Variants in C18orf32 observed in about 807,000 individuals in gnomAD.
C18orf32 encodes UPF0729 protein C18orf32.
In C18orf32, 5 loss-of-function variants were observed where a neutral mutation model predicts 7.4. That is an observed-to-expected ratio of 0.68 (90% CI 0.35 to 1.42). The LOEUF (loss-of-function observed/expected upper bound fraction) is 1.42, where lower values mean the gene tolerates loss of function less well. Ranked by LOEUF, C18orf32 falls within the 40% of genes most tolerant of loss-of-function variation. C18orf32 has a pLI of 0.04. For synonymous variants in C18orf32, 30 were observed against 29.3 expected, an observed-to-expected ratio of 1.02 and a Z score of -0.08; for missense variants, 88 against 92.4, an observed-to-expected ratio of 0.95 and a Z score of 0.19.
Position 49,482,029 on chromosome 18 carries a change from C to G in C18orf32, c.*316G>C, listed in dbSNP as rs1380056313. 1 of 244,746 alleles carries G rather than the reference C, an allele frequency of 4.1e-6. No homozygotes were observed. Among genetic ancestry groups the G allele is most frequent in the African/African-American group, 2.3e-5 (1 of 42,890 alleles). 15.2% of individuals were successfully genotyped at this position (244,746 alleles called of 1,614,324 possible). ...AGCAAATTCATATGAATTAGAGAAC[C>G]AAAGATTTTAAAGTGCTGATTTAGT... On this transcript the variant is annotated 3_prime_UTR_variant, in exon 3 of 3. Coordinates refer to ENST00000318240, the MANE Select transcript of C18orf32 (RefSeq NM_001035005.4).
chr18:49,484,691 A>T (rs2083715365), intron 1 of C18orf32: 1 of 152,238 alleles, frequency 6.6e-6, no homozygotes, highest in African/African-American at 2.4e-5. Context: ...TAAAGGAAAA[A>T]CAACAACATT....
At position 49,485,644 on chromosome 18, in the gene C18orf32, T is replaced by C. The variant is rs532008049; in HGVS notation, c.-24+1399A>G. ...TTTTTTGAGACAGGGTCTTGCTCTG[T>C]TGCTCAGGCTAAAGTGCAGTGGCTC... On this transcript the variant is annotated intron_variant, in intron 1 of 2. Coordinates refer to ENST00000318240, the MANE Select transcript of C18orf32 (RefSeq NM_001035005.4). Among the ~76,000 whole-genome samples the C allele has an allele frequency of 2.7e-3, 413 of 152,072 alleles. 2 individuals are homozygous for C. Among genetic ancestry groups the C allele is most frequent in the Non-Finnish European group, 5.3e-3 (362 of 67,944 alleles).
chr18:49,482,818 G>C (rs1450696335), intron 2 of C18orf32, among the ~76,000 whole-genome samples: 1 of 124,932 alleles, frequency 8.0e-6, no homozygotes, highest in African/African-American at 3.2e-5. Context: ...TTTTTTTTGA[G>C]ATGGAGTTTC....
rs1313901017 is a variant in C18orf32 at position 49,481,457 on chromosome 18, G to GT, written c.*887dup. The GT allele has an allele frequency of 6.6e-6, 1 of 152,280 alleles. No homozygotes were observed. The highest frequency in any genetic ancestry group is 1.5e-5 in the Non-Finnish European group (1 of 68,128). 9.4% of individuals were successfully genotyped at this position (152,280 alleles called of 1,614,324 possible). ...GACCCAGGCCCAGCCAGCCATATGA[G>GT]TGAGCCCAGAACAGCAAAGAACTGC... On this transcript the variant is annotated 3_prime_UTR_variant, in exon 3 of 3. Coordinates refer to ENST00000318240, the MANE Select transcript of C18orf32 (RefSeq NM_001035005.4).
intron 2 of C18orf32, 45 bp from the exon 3 acceptor site, chr18:49,482,455 G>T: frequency 1.4e-6 from 2 of 1,442,108 alleles, no homozygotes; most frequent in Non-Finnish European, 9.7e-7. Flanking sequence ...CAAGCCGGGT[G>T]CGGTGGCTTA....
chr18:49,478,203 T>A lies in C18orf32; in HGVS notation c.*4142A>T, dbSNP rs2083634355. ...AGGTGCACATCACCATATGCCTAGC[T>A]AAATTTTTTAATTTTTGGTGGAGGC... On this transcript the variant is annotated 3_prime_UTR_variant, in exon 3 of 3. Coordinates refer to ENST00000318240, the MANE Select transcript of C18orf32 (RefSeq NM_001035005.4). 1 of 149,494 alleles carries A rather than the reference T, an allele frequency of 6.7e-6. No homozygotes were observed. The highest frequency in any genetic ancestry group is 1.5e-5 in the Non-Finnish European group (1 of 67,996). The allele number at this position is 149,494 out of a possible 1,614,324, so 9.3% of individuals were successfully genotyped here.
intron 1 of C18orf32, among the ~76,000 whole-genome samples, chr18:49,485,631 G>C (rs1012786232): frequency 5.4e-5 from 8 of 148,732 alleles, no homozygotes; most frequent in African/African-American, 2.0e-4. Context: ...TTTTGAGACA[G>C]GGTCTTGCTC....
At chr18:49,482,799 TC>T (rs1291591695) in intron 2 of C18orf32, among the ~76,000 whole-genome samples, 3 of 107,720 alleles carry the variant, frequency 2.8e-5, no homozygotes, top group African/African-American at 1.1e-4. Context: ...TCTGTCTCTC[TC>T]TTTTTTTTTT....
chr18:49,483,144 A>G (rs2083685272), intron 2 of C18orf32, among the ~76,000 whole-genome samples: 1 of 152,148 alleles, frequency 6.6e-6, no homozygotes. Context: ...GAGTGAAAAC[A>G]TTTTGCTTCC....
intron 1 of C18orf32, 140 bp from the exon 2 acceptor site, chr18:49,483,911 G>C: frequency 2.0e-6 from 2 of 993,760 alleles, no homozygotes; most frequent in East Asian, 2.8e-5. Flanking sequence ...CAAGAGGATA[G>C]CTTGAGCCCA....
chr18:49,483,878 T>C (rs2083699069), intron 1 of C18orf32, 107 bp from the exon 2 acceptor site: 2 of 1,328,358 alleles, frequency 1.5e-6, no homozygotes, highest in Non-Finnish European at 1.0e-6. Context: ...GGCTCACGCC[T>C]GTAATCCCAG....
chr18:49,482,091 C>T lies in C18orf32; in HGVS notation c.*254G>A, dbSNP rs553819466. The T allele has an allele frequency of 5.0e-5, 20 of 398,072 alleles. No individual in the cohort carries two copies. Among genetic ancestry groups the T allele is most frequent in the African/African-American group, 4.0e-4 (19 of 47,294 alleles). The allele number at this position is 398,072 out of a possible 1,614,324, so 24.7% of individuals were successfully genotyped here. A position where few individuals can be genotyped will look rare whatever the true frequency, so the allele number is the denominator to read the frequency against. ...TACTGGCACAAACCTTCTATTTAATCATATTATTCAAACAGCAATAACAGA... is the reference window on the plus strand; with the variant it reads ...TACTGGCACAAACCTTCTATTTAATTATATTATTCAAACAGCAATAACAGA... On this transcript the variant is annotated 3_prime_UTR_variant, in exon 3 of 3. Coordinates refer to ENST00000318240, the MANE Select transcript of C18orf32 (RefSeq NM_001035005.4).
intron 1 of C18orf32, among the ~76,000 whole-genome samples, chr18:49,484,201 C>CATCCAT (rs56983810): frequency 8.5e-6 from 1 of 117,836 alleles, no homozygotes; most frequent in African/African-American, 3.4e-5. Context: ...CACACACACA[C>CATCCAT]GAAAGGACTA....
chr18:49,485,427 A>G (rs2083727509), intron 1 of C18orf32, among the ~76,000 whole-genome samples: 1 of 151,230 alleles, frequency 6.6e-6, no homozygotes, highest in African/African-American at 2.4e-5. Context: ...GGTGGTGGGC[A>G]CCTGTAATCC....
chr18:49,486,655 G>C (rs980524618), intron 1 of C18orf32: 1 of 151,950 alleles, frequency 6.6e-6, no homozygotes, highest in African/African-American at 2.4e-5. Flanking sequence ...TGTTGCAGAG[G>C]AATCTTCTTT....
At chr18:49,485,017 G>A (rs770674390) in intron 1 of C18orf32, among the ~76,000 whole-genome samples, 11 of 151,968 alleles carry the variant, frequency 7.2e-5, no homozygotes, top group Non-Finnish European at 1.5e-4. Flanking sequence ...GGGAGGTAGA[G>A]GTTGCGGTGA....
chr18:49,486,628 G>C (rs1470181351), intron 1 of C18orf32: 2 of 151,888 alleles, frequency 1.3e-5, no homozygotes, highest in Non-Finnish European at 2.9e-5. Context: ...AACAAAGCGA[G>C]CAAAACGGAT....
rs2083639665 is a variant in C18orf32 at position 49,479,002 on chromosome 18, A to G, written c.*3343T>C. ...GATATACTCCTGCTTGGAAAAATCA[A>G]AAGTTGGCAATTGCATACTAGCCAC... On this transcript the variant is annotated 3_prime_UTR_variant, in exon 3 of 3. Coordinates refer to ENST00000318240, the MANE Select transcript of C18orf32 (RefSeq NM_001035005.4). 6.6e-6 allele frequency: 1 copy of G among 152,186 alleles called. No individual in the cohort carries two copies. Among genetic ancestry groups the G allele is most frequent in the Non-Finnish European group, 1.5e-5 (1 of 68,036 alleles). The allele number at this position is 152,186 out of a possible 1,614,324, so 9.4% of individuals were successfully genotyped here. A position where few individuals can be genotyped will look rare whatever the true frequency, so the allele number is the denominator to read the frequency against.
rs1447915735 is a variant in C18orf32 at position 49,482,059 on chromosome 18, T to A, written c.*286A>T. ...ATTTTAAAGTGCTGATTTAGTAACA[T>A]AATGTCTACTGGCACAAACCTTCTA... On this transcript the variant is annotated 3_prime_UTR_variant, in exon 3 of 3. Coordinates refer to ENST00000318240, the MANE Select transcript of C18orf32 (RefSeq NM_001035005.4). 6.2e-6 allele frequency: 2 copies of A among 320,440 alleles called. No individual in the cohort carries two copies. Among genetic ancestry groups the A allele is most frequent in the Non-Finnish European group, 1.1e-5 (2 of 174,258 alleles). The allele number at this position is 320,440 out of a possible 1,614,324, so 19.8% of individuals were successfully genotyped here. A position where few individuals can be genotyped will look rare whatever the true frequency, so the allele number is the denominator to read the frequency against.
Sources: gnomAD v4.1 joint callset for allele counts (sites outside exome capture counted in the v4.1 genomes callset) on GRCh38, gnomAD v4.1.1 for gene constraint, MANE v1.5 for transcripts, NCBI Gene and HGNC (gene_info 2026-07-23, HGNC 2026-07-21) for gene names.